FLT1: variants seen among roughly 807,000 people sequenced by gnomAD.
FLT1 encodes the protein fms related receptor tyrosine kinase 1, also known as vascular endothelial growth factor receptor 1.
Under a neutral mutation model 156.3 loss-of-function variants are expected in FLT1, and 49 were observed. That is an observed-to-expected ratio of 0.31 (90% CI 0.25 to 0.40). The LOEUF is 0.40. Among genes scored for constraint, FLT1 ranks in the 10% least tolerant of loss-of-function variants. The probability of loss-of-function intolerance (pLI) is 1.00; values close to 1 mark genes in which losing one functional copy is unlikely to be tolerated. For synonymous variants in FLT1, 594 were observed against 583.8 expected (o/e 1.02, Z -0.25); for missense variants, 1,322 against 1,637.2 (o/e 0.81, Z 3.32).
intron 3 of FLT1, among the ~76,000 whole-genome samples, chr13:28,451,099 A>T (rs1878908211): frequency 6.6e-6 from 1 of 152,124 alleles, no homozygotes; most frequent in Non-Finnish European, 1.5e-5. Context: ...GGTGCTGAGG[A>T]CTTTTTAGGA....
intron 10 of FLT1, among the ~76,000 whole-genome samples, chr13:28,407,968 A>G (rs759752081): frequency 2.0e-5 from 3 of 152,010 alleles, no homozygotes; most frequent in Non-Finnish European, 4.4e-5. Context: ...TCTTTCACAC[A>G]CTCGTATTAC....
rs994172098 is a variant in FLT1 at position 28,393,357 on chromosome 13, G to T, written c.1661-3253C>A. On this transcript the variant is annotated intron_variant, in intron 12 of 29. Transcript: ENST00000282397. Reference sequence around the variant, plus strand: ...CATAGGAATTTAAAAGGACGCCAGGGATGTCATTTGTTGGGTAAAAATAAA... The same window carrying T: ...CATAGGAATTTAAAAGGACGCCAGGTATGTCATTTGTTGGGTAAAAATAAA... Among the ~76,000 whole-genome samples the T allele has an allele frequency of 2.6e-5, 4 of 152,294 alleles. No homozygotes were observed. The South Asian group carries it at 8.3e-4, about 32-fold the overall frequency.
At chr13:28,477,238 G>T (rs1880598712) in intron 1 of FLT1, among the ~76,000 whole-genome samples, 1 of 152,168 alleles carries the variant, frequency 6.6e-6, no homozygotes. Context: ...CATTAGGCCT[G>T]TCACCAGGCT....
Position 28,428,011 on chromosome 13 carries a change from T to C in FLT1, c.1107-90A>G, listed in dbSNP as rs1210318769. Reference sequence around the variant, plus strand: ...GGTCATTGAAGTTTTTGAGCTCAAGTTGACCAATTTCAAACCTTTGATCAT... The same window carrying C: ...GGTCATTGAAGTTTTTGAGCTCAAGCTGACCAATTTCAAACCTTTGATCAT... On this transcript the variant is annotated intron_variant, in intron 8 of 29. Transcript: ENST00000282397. 38 of 1,128,768 alleles carry C rather than the reference T, an allele frequency of 3.4e-5. No homozygotes were observed. In the East Asian group the frequency reaches 8.5e-4, roughly 25 times the overall value. The allele number at this position is 1,128,768 out of a possible 1,614,324, so 69.9% of individuals were successfully genotyped here.
intron 16 of FLT1, among the ~76,000 whole-genome samples, chr13:28,344,532 A>G (rs1872485834): frequency 5.3e-5 from 8 of 152,326 alleles, no homozygotes; most frequent in Admixed American, 5.2e-4. Context: ...AGGGCCTGGC[A>G]TGCTGCACTG....
chr13:28,334,206 C>G, intron 17 of FLT1, 77 bp from the exon 18 acceptor site: 1 of 946,824 alleles, frequency 1.1e-6, no homozygotes, highest in Non-Finnish European at 1.8e-6. Flanking sequence ...AAGGAAATGC[C>G]TTTTCCTATG....
chr13:28,492,872 G>C (rs540986819), intron 1 of FLT1, among the ~76,000 whole-genome samples: 1 of 152,044 alleles, frequency 6.6e-6, no homozygotes, highest in South Asian at 2.1e-4. Flanking sequence ...AACTAACAGA[G>C]TGTTCTGTTA....
At chr13:28,489,910 C>T (rs1881377863) in intron 1 of FLT1, among the ~76,000 whole-genome samples, 1 of 152,156 alleles carries the variant, frequency 6.6e-6, no homozygotes, top group African/African-American at 2.4e-5. Context: ...GTTTAAACCC[C>T]TTATGTGCGT....
In FLT1 at chr13:28,396,877, G is replaced by A. The variant is rs1441504514; in HGVS notation, c.1660+83C>T. The A allele has an allele frequency of 7.2e-6, 6 of 836,686 alleles. No individual in the cohort carries two copies. In the Admixed American group the frequency reaches 9.0e-5, roughly 13 times the overall value. 51.8% of individuals were successfully genotyped at this position (836,686 alleles called of 1,614,324 possible). A position where few individuals can be genotyped will look rare whatever the true frequency, so the allele number is the denominator to read the frequency against. On this transcript the variant is annotated intron_variant, in intron 12 of 29. Transcript: ENST00000282397. ...ATGGAATTAAAAAAAAATCACTCAAGCTATAAATGCACTAAAAGCAAACAA... is the reference window on the plus strand; with the variant it reads ...ATGGAATTAAAAAAAAATCACTCAAACTATAAATGCACTAAAAGCAAACAA...
intron 1 of FLT1, among the ~76,000 whole-genome samples, chr13:28,491,142 T>C (rs1352258194): frequency 7.6e-6 from 1 of 131,898 alleles, no homozygotes; most frequent in African/African-American, 2.5e-5. Flanking sequence ...TTACATTATT[T>C]TGGTCAATAT....
chr13:28,329,831 C>A (rs1871853198), intron 18 of FLT1, 103 bp from the exon 19 acceptor site: 1 of 890,382 alleles, frequency 1.1e-6, no homozygotes, highest in Non-Finnish European at 1.8e-6. Flanking sequence ...CAGCCGGTTG[C>A]TTCACTAACT....
intron 13 of FLT1, chr13:28,386,483 A>T: frequency 9.5e-7 from 1 of 1,048,096 alleles, no homozygotes; most frequent in Non-Finnish European, 1.2e-6. Context: ...GTGCTGAAGG[A>T]AGTGCTCTGA....
At chr13:28,303,419 A>G (rs1161907073) in intron 29 of FLT1, 51 bp from the exon 30 acceptor site, 1 of 1,525,126 alleles carries the variant, frequency 6.6e-7, no homozygotes, top group Non-Finnish European at 9.0e-7. Context: ...TTTTTTAGAA[A>G]ACAAAGACAC....
chr13:28,457,391 T>A (rs1311208468), intron 3 of FLT1, among the ~76,000 whole-genome samples: 4 of 152,156 alleles, frequency 2.6e-5, no homozygotes, highest in African/African-American at 9.7e-5. Context: ...GAACAGGGAT[T>A]TGAAAGCAGT....
chr13:28,345,387 G>T, intron 16 of FLT1, 58 bp downstream of exon 16: 1 of 1,047,602 alleles, frequency 9.5e-7, no homozygotes, highest in East Asian at 2.5e-5. Flanking sequence ...CTAGACATCA[G>T]ATCGGGCTTT....
In FLT1 at chr13:28,306,738, G is replaced by T. The variant is rs1415091072; in HGVS notation, c.3755C>A (p.Ser1252Tyr). The T allele has an allele frequency of 1.9e-5, 30 of 1,613,768 alleles. No individual in the cohort carries two copies. In the Admixed American group the frequency reaches 5.0e-4, roughly 27 times the overall value. The change falls in exon 29 of 30, where the codon TCT becomes TAT. Residue 1252 changes from serine to tyrosine, a missense_variant. Transcript: ENST00000282397. Reference protein sequence around the residue: ...YQGDSSTLLASPMLKRFTWTD... With the variant: ...YQGDSSTLLAYPMLKRFTWTD... The stretch of plus-strand genomic sequence containing the variant: ...CCAGGTGAAGCGCTTCAGCATGGGA[G>T]AGGCCAACAGAGTGCTGCTGTCGCC...
chr13:28,386,269 C>T lies in FLT1; in HGVS notation c.1970-1238G>A, dbSNP rs1341766600. The T allele has an allele frequency of 3.8e-6, 4 of 1,049,354 alleles. No individual in the cohort carries two copies. In the African/African-American group the frequency reaches 6.6e-5, roughly 17 times the overall value. The allele number at this position is 1,049,354 out of a possible 1,614,324, so 65.0% of individuals were successfully genotyped here. On this transcript the variant is annotated intron_variant, in intron 13 of 29. Transcript: ENST00000282397. ...CTTTTGAGTCCTGCAGGGCAACTCT[C>T]AGGATTAGCATTTGTTAAAGCAATT...
chr13:28,388,916 T>C (rs540034442), intron 13 of FLT1: 15 of 1,057,784 alleles, frequency 1.4e-5, no homozygotes, highest in Non-Finnish European at 1.7e-5. Flanking sequence ...CATCAATAGC[T>C]GTGTGGTGCA....
chr13:28,349,349 A>G (rs1565981180), intron 15 of FLT1, among the ~76,000 whole-genome samples: 1 of 151,638 alleles, frequency 6.6e-6, no homozygotes, highest in South Asian at 2.1e-4. Context: ...TCACAATGGG[A>G]AGATTGTAAG....
Sources: allele counts gnomAD v4.1 joint callset (sites outside exome capture counted in the v4.1 genomes callset), GRCh38; gene constraint gnomAD v4.1.1; transcripts MANE v1.5; gene names NCBI Gene and HGNC (gene_info 2026-07-23, HGNC 2026-07-21).